Variants in ADGRE1 observed in about 807,000 individuals in gnomAD.
ADGRE1 encodes the protein adhesion G protein-coupled receptor E1, also known as EGF-like module receptor 1.
A neutral mutation model predicts 102.7 loss-of-function variants in ADGRE1; 82 were observed. The observed-to-expected ratio is 0.80, with a 90% CI of 0.67 to 0.96. The LOEUF (loss-of-function observed/expected upper bound fraction) is 0.96, where lower values mean the gene tolerates loss of function less well. Among genes scored for constraint, ADGRE1 ranks in the 40% least tolerant of loss-of-function variants. The pLI is 0.00. For missense variants in ADGRE1, 1,032 were observed against 1,085.3 expected, an observed-to-expected ratio of 0.95 and a Z score of 0.69; for synonymous variants, 398 against 399.6, an observed-to-expected ratio of 1.00 and a Z score of 0.05.
Position 6,940,064 on chromosome 19 carries a change from A to C in ADGRE1, c.*35A>C. On this transcript the variant is annotated 3_prime_UTR_variant, in exon 21 of 21. Transcript: ENST00000312053. ...TTGCTTTCAAATATGCTATGGAGCC[A>C]CAGTTGAGGACAGTAGTTTCCTGCA... The C allele has an allele frequency of 6.2e-7, 1 of 1,610,886 alleles. No individual in the cohort carries two copies. Among genetic ancestry groups the C allele is most frequent in the Non-Finnish European group, 8.5e-7 (1 of 1,177,922 alleles).
intron 10 of ADGRE1, among the ~76,000 whole-genome samples, chr19:6,911,385 G>GTTTTTTTTTTTTTTTTTTTTTTTT (rs772959056): frequency 1.6e-4 from 13 of 79,844 alleles, no homozygotes; most frequent in East Asian, 4.0e-4. Context: ...ATTCCTTTTA[G>GTTTTTTTTTTTTTTTTTTTTTTTT]TTTTTTTTTT....
In ADGRE1 at chr19:6,919,746, AG is replaced by A. The variant is rs748108666; in HGVS notation, c.1620+1del. On this transcript the variant is annotated frameshift_variant and splice_region_variant, in exon 13 of 21. Coordinates refer to ENST00000312053, the MANE Select transcript of ADGRE1 (RefSeq NM_001974.5). LOFTEE classifies it high-confidence loss of function. Reference sequence around the variant, plus strand: ...ATCATCTACACTCTGGAGAACATTCAGGTTTGTGAAGAGGTCTCTACTGAGA... The same window carrying A: ...ATCATCTACACTCTGGAGAACATTCAGTTTGTGAAGAGGTCTCTACTGAGA... Reference protein sequence around the residue: ...DPIIYTLENIQPKQKFERPIC... With the variant: ...DPIIYTLENIXPKQKFERPIC... 1.3e-5 allele frequency: 21 copies of A among 1,613,116 alleles called. No homozygotes were observed. The highest frequency in any genetic ancestry group is 2.5e-6 in the Non-Finnish European group (3 of 1,179,442).
chr19:6,905,750 A>G (rs987188638), intron 8 of ADGRE1, among the ~76,000 whole-genome samples: 1 of 152,224 alleles, frequency 6.6e-6, no homozygotes, highest in Non-Finnish European at 1.5e-5. Context: ...TGTATTATTT[A>G]TTACATTAAA....
In ADGRE1 at chr19:6,935,050, G is replaced by T. The variant is rs1568365937; in HGVS notation, c.2353G>T (p.Ala785Ser). ...GAGGCAGAGGCTTTCCAGTGTTAAT[G>T]CCGAAGTCTCAACGCTAAAAGACAC... ...ILRQRLSSVNAEVSTLKDTRL... is the reference protein window; with the variant it reads ...ILRQRLSSVNSEVSTLKDTRL... The change falls in exon 18 of 21, where the codon GCC becomes TCC. Residue 785 changes from alanine to serine, a missense_variant. Transcript: ENST00000312053. 1.2e-6 allele frequency: 2 copies of T among 1,601,178 alleles called. No homozygotes were observed. Among genetic ancestry groups the T allele is most frequent in the Admixed American group, 3.4e-5 (2 of 58,534 alleles).
At position 6,899,965 on chromosome 19, in the gene ADGRE1, G is replaced by A. The variant is rs552589714; in HGVS notation, c.515-1910G>A. Among the ~76,000 whole-genome samples the A allele has an allele frequency of 3.1e-4, 47 of 151,654 alleles. 1 individual carries two copies. The highest frequency in any genetic ancestry group is 1.0e-3 in the African/African-American group (42 of 41,342). Reference sequence around the variant, plus strand: ...AAAAAATAGCTGGGCCTGGTGGCACGTGCCTGTAATCCCAGCTACTTGAGA... The same window carrying A: ...AAAAAATAGCTGGGCCTGGTGGCACATGCCTGTAATCCCAGCTACTTGAGA... On this transcript the variant is annotated intron_variant, in intron 5 of 20. Coordinates refer to ENST00000312053, the MANE Select transcript of ADGRE1 (RefSeq NM_001974.5).
chr19:6,887,777 A>C, intron 1 of ADGRE1, 138 bp downstream of exon 1: 1 of 908,016 alleles, frequency 1.1e-6, no homozygotes, highest in Non-Finnish European at 1.7e-6. Context: ...CATTCAGGGA[A>C]CCTTTGACAA....
chr19:6,902,598 G>A (rs985255599), intron 6 of ADGRE1, among the ~76,000 whole-genome samples: 4 of 151,874 alleles, frequency 2.6e-5, no homozygotes, highest in Non-Finnish European at 4.4e-5. Context: ...GTGGCACCAT[G>A]TCCAGCTAAT....
At chr19:6,910,220 G>T (rs189096954) in intron 10 of ADGRE1, among the ~76,000 whole-genome samples, 2 of 151,896 alleles carry the variant, frequency 1.3e-5, no homozygotes, top group East Asian at 3.9e-4. Context: ...ATTAAATTTT[G>T]ATAAATGATT....
At chr19:6,923,104 C>G (rs915243457) in intron 14 of ADGRE1, among the ~76,000 whole-genome samples, 1 of 152,074 alleles carries the variant, frequency 6.6e-6, no homozygotes, top group African/African-American at 2.4e-5. Flanking sequence ...CCTTTCCTAT[C>G]ATGGTAGATC....
intron 5 of ADGRE1, among the ~76,000 whole-genome samples, chr19:6,899,931 A>T (rs1423004267): frequency 1.3e-5 from 2 of 151,378 alleles, no homozygotes; most frequent in Admixed American, 1.3e-4. Context: ...TCTCTACTAA[A>T]AATACAAAAA....
chr19:6,898,171 C>A, intron 5 of ADGRE1: 2 of 710,706 alleles, frequency 2.8e-6, no homozygotes, highest in Non-Finnish European at 4.6e-6. Context: ...TGGGGACGTA[C>A]CTTCCATTGC....
rs767176801 is a variant in ADGRE1 at position 6,919,543 on chromosome 19, T to C, written c.1421-5T>C. 2.4e-5 allele frequency: 39 copies of C among 1,608,446 alleles called. No individual in the cohort carries two copies. The highest frequency in any genetic ancestry group is 3.1e-5 in the Non-Finnish European group (37 of 1,177,264). On this transcript the variant is annotated splice_polypyrimidine_tract_variant and splice_region_variant and intron_variant, in intron 12 of 20. Coordinates refer to ENST00000312053, the MANE Select transcript of ADGRE1 (RefSeq NM_001974.5). ...TTCCTTTTTTTCATTTGGGGAAACC[T>C]GCAGAGACCACTGGTGTGGCTTTTG...
At chr19:6,923,361 CT>C (rs1352852723) in intron 14 of ADGRE1, among the ~76,000 whole-genome samples, 1 of 152,152 alleles carries the variant, frequency 6.6e-6, no homozygotes, top group Admixed American at 6.5e-5. Context: ...ATATAGTATG[CT>C]TCTGGCACAG....
rs1389001454 is a variant in ADGRE1, at chr19:6,940,277, T to C, written c.*248T>C. The C allele has an allele frequency of 1.7e-6, 1 of 580,840 alleles. No individual in the cohort carries two copies. Among genetic ancestry groups the C allele is most frequent in the South Asian group, 2.1e-5 (1 of 47,934 alleles). The allele number at this position is 580,840 out of a possible 1,614,324, so 36.0% of individuals were successfully genotyped here. A position where few individuals can be genotyped will look rare whatever the true frequency, so the allele number is the denominator to read the frequency against. ...CTGCAACTTCTTCAATTCCAGAGTT[T>C]CTGAGAACAGACCCAAATTCAATGG... On this transcript the variant is annotated 3_prime_UTR_variant, in exon 21 of 21. Coordinates refer to ENST00000312053, the MANE Select transcript of ADGRE1 (RefSeq NM_001974.5).
At chr19:6,906,317 T>G in intron 8 of ADGRE1, 116 bp from the exon 9 acceptor site, 2 of 794,716 alleles carry the variant, frequency 2.5e-6, no homozygotes, top group Non-Finnish European at 4.2e-6. Flanking sequence ...CCCTTGTGTA[T>G]TAGGGTAATA....
In ADGRE1 at chr19:6,924,789, A is replaced by G. The variant is rs1262582795; in HGVS notation, c.1903A>G (p.Thr635Ala). Residue 635 changes from threonine (T) to alanine (A), a missense_variant, in exon 15 of 21, where the codon ACC (threonine) becomes GCC (alanine). Thr to Ala is a moderately conservative substitution (Grantham distance 58). Coordinates refer to ENST00000312053, the MANE Select transcript of ADGRE1 (RefSeq NM_001974.5). ...GTGTCGCTCCATCCGAAATCACAAC[A>G]CCTACCTCCACCTGCACCTCTGCGT... ...LLCRSIRNHNTYLHLHLCVCL... is the reference protein window; with the variant it reads ...LLCRSIRNHNAYLHLHLCVCL... 2 of 1,613,834 alleles carry G rather than the reference A, an allele frequency of 1.2e-6. No individual in the cohort carries two copies. Among genetic ancestry groups the G allele is most frequent in the Admixed American group, 3.3e-5 (2 of 59,960 alleles).
intron 11 of ADGRE1, 95 bp downstream of exon 11, chr19:6,913,925 T>G (rs1187066803): frequency 7.6e-7 from 1 of 1,321,938 alleles, no homozygotes; most frequent in Non-Finnish European, 1.0e-6. Context: ...CCACCCATTC[T>G]TTCCCCAACT....
rs557676705 is a variant in ADGRE1, at chr19:6,926,714, C to T, written c.2222+113C>T. On this transcript the variant is annotated intron_variant, in intron 16 of 20. Coordinates refer to ENST00000312053, the MANE Select transcript of ADGRE1 (RefSeq NM_001974.5). ...AGCAGTAGTTGTGGCTACCATTTAT[C>T]GAGCTCTTCTATTATGTACTATTGG... 10 of 1,098,738 alleles carry T rather than the reference C, an allele frequency of 9.1e-6. No individual in the cohort carries two copies. In the Admixed American group the frequency reaches 9.9e-5, roughly 11 times the overall value. 68.1% of individuals were successfully genotyped at this position (1,098,738 alleles called of 1,614,324 possible).
intron 13 of ADGRE1, among the ~76,000 whole-genome samples, chr19:6,920,580 A>G (rs149846504): frequency 4.4e-4 from 52 of 119,316 alleles, no homozygotes; most frequent in African/African-American, 1.4e-3. Context: ...CTGGAGTTCA[A>G]TGGTGCAACC....
Sources: allele counts gnomAD v4.1 joint callset (sites outside exome capture counted in the v4.1 genomes callset), GRCh38; gene constraint gnomAD v4.1.1; transcripts MANE v1.5; gene names NCBI Gene and HGNC (gene_info 2026-07-23, HGNC 2026-07-21).